EPHA7: variants seen among roughly 807,000 people sequenced by gnomAD.
The protein encoded by EPHA7 is ephrin type-A receptor 7.
Under a neutral mutation model 112.6 loss-of-function variants are expected in EPHA7, and 25 were observed. That is an observed-to-expected ratio of 0.22 (90% CI 0.16 to 0.31). The LOEUF is 0.31. Among genes scored for constraint, EPHA7 ranks in the 10% least tolerant of loss-of-function variants. EPHA7 has a pLI of 1.00. For missense variants in EPHA7, 962 were observed against 1,212.6 expected, an observed-to-expected ratio of 0.79 and a Z score of 3.07; for synonymous variants, 437 against 406.5, an observed-to-expected ratio of 1.07 and a Z score of -0.90.
chr6:93,320,911 A>G lies in EPHA7; in HGVS notation c.1324+35806T>C, dbSNP rs1319552780. ...TCAAAAATAATTTTGATTCATTGAAATATAATTTCACTTATAAAATGTTAT... is the reference window on the plus strand; with the variant it reads ...TCAAAAATAATTTTGATTCATTGAAGTATAATTTCACTTATAAAATGTTAT... On this transcript the variant is annotated intron_variant, in intron 5 of 16. Transcript: ENST00000369303. Among the ~76,000 whole-genome samples, 3 of 151,936 alleles carry G rather than the reference A, an allele frequency of 2.0e-5. No individual in the cohort carries two copies. In the East Asian group the frequency reaches 5.8e-4, roughly 29 times the overall value.
intron 3 of EPHA7, among the ~76,000 whole-genome samples, chr6:93,368,634 C>T (rs907684827): frequency 3.3e-5 from 5 of 151,994 alleles, no homozygotes; most frequent in African/African-American, 1.2e-4. Flanking sequence ...ATTTGTGGTG[C>T]AAGCCTTGAA....
At position 93,246,835 on chromosome 6, in the gene EPHA7, G is replaced by A. The variant is rs1035177735; in HGVS notation, c.2683C>T (p.Arg895Ter). Reference protein sequence around the residue: ...QIVGILDKMIRNPNSLKTPLG... With the variant: ...QIVGILDKMI ...GGAGTTTTCAGACTATTTGGGTTTC[G>A]AATCATTTTGTCTAGAATTCCAACT... is the stretch of plus-strand genomic sequence containing the variant. The change falls in exon 15 of 17, where the codon CGA (arginine) becomes TGA (stop). Residue 895 changes from arginine to a stop codon, truncating the protein, a stop_gained. Transcript: ENST00000369303. LOFTEE classifies it high-confidence loss of function. 5.0e-6 allele frequency: 8 copies of A among 1,612,182 alleles called. No homozygotes were observed. Among genetic ancestry groups the A allele is most frequent in the Non-Finnish European group, 1.7e-6 (2 of 1,178,514 alleles).
chr6:93,258,998 C>T (rs1191048267), intron 10 of EPHA7, among the ~76,000 whole-genome samples: 1 of 151,722 alleles, frequency 6.6e-6, no homozygotes, highest in Non-Finnish European at 1.5e-5. Flanking sequence ...TGTAAGAAGA[C>T]AGTAAATCAA....
rs1778964931 is a variant in EPHA7, at chr6:93,411,261, G to A, written c.163-91C>T. ...AAGTACTTCACAAATACAGATCTTC[G>A]AAAAAGTTAGGTTGATTCCTATGCT... On this transcript the variant is annotated intron_variant, in intron 2 of 16. Transcript: ENST00000369303. 2.0e-5 allele frequency: 21 copies of A among 1,046,082 alleles called. 1 individual carries two copies. The South Asian group carries it at 2.2e-4, about 11-fold the overall frequency. The allele number at this position is 1,046,082 out of a possible 1,614,324, so 64.8% of individuals were successfully genotyped here.
chr6:93,413,579 G>A (rs1197818484), intron 2 of EPHA7, among the ~76,000 whole-genome samples: 2 of 151,806 alleles, frequency 1.3e-5, no homozygotes, highest in African/African-American at 4.8e-5. Context: ...CAAGAAAGGT[G>A]TTATATTCAT....
At chr6:93,257,754 A>T (rs1384552417) in intron 11 of EPHA7, among the ~76,000 whole-genome samples, 1 of 151,964 alleles carries the variant, frequency 6.6e-6, no homozygotes, top group Non-Finnish European at 1.5e-5. Flanking sequence ...TGTTCTTCTG[A>T]CTCCTGCTTT....
intron 3 of EPHA7, among the ~76,000 whole-genome samples, chr6:93,374,586 C>T (rs1582621584): frequency 6.6e-6 from 1 of 152,036 alleles, no homozygotes; most frequent in African/African-American, 2.4e-5. Context: ...ATTTTATTTG[C>T]CAAAATAGAA....
intron 7 of EPHA7, among the ~76,000 whole-genome samples, chr6:93,269,190 C>G (rs1256217661): frequency 2.0e-5 from 3 of 151,714 alleles, no homozygotes; most frequent in Non-Finnish European, 4.4e-5. Context: ...TGTGTCAATA[C>G]ACAAATTGAA....
In EPHA7 at chr6:93,395,999, C is replaced by T. The variant is rs539016476; in HGVS notation, c.832+14502G>A. On this transcript the variant is annotated intron_variant, in intron 3 of 16. Coordinates refer to ENST00000369303, the MANE Select transcript of EPHA7 (RefSeq NM_004440.4). ...AAATACAAGAGCATGCCCTTTTTGG[C>T]TAGCTAAACCTTGGCACAGATGTCT... Among the ~76,000 whole-genome samples the T allele has an allele frequency of 2.0e-5, 3 of 151,974 alleles. No homozygotes were observed. In the Admixed American group the frequency reaches 2.0e-4, roughly 10 times the overall value.
intron 5 of EPHA7, among the ~76,000 whole-genome samples, chr6:93,292,329 C>T (rs1284549867): frequency 1.3e-5 from 2 of 152,154 alleles, no homozygotes; most frequent in African/African-American, 4.8e-5. Context: ...AAAGTATTCA[C>T]ATCTCTACTT....
At chr6:93,301,531 A>G (rs1772976431) in intron 5 of EPHA7, among the ~76,000 whole-genome samples, 1 of 152,200 alleles carries the variant, frequency 6.6e-6, no homozygotes, top group Non-Finnish European at 1.5e-5. Flanking sequence ...AAATGTTTAT[A>G]TAATAAATTT....
chr6:93,316,855 C>A (rs937562458), intron 5 of EPHA7, among the ~76,000 whole-genome samples: 1 of 152,040 alleles, frequency 6.6e-6, no homozygotes, highest in African/African-American at 2.4e-5. Context: ...TCTAACTATA[C>A]AAGTGAGATA....
intron 5 of EPHA7, among the ~76,000 whole-genome samples, chr6:93,283,000 C>T (rs780097251): frequency 4.6e-5 from 7 of 152,210 alleles, no homozygotes; most frequent in Non-Finnish European, 7.3e-5. Flanking sequence ...AGGAGCAGGG[C>T]GCGGGACTGG....
intron 5 of EPHA7, among the ~76,000 whole-genome samples, chr6:93,345,827 C>A (rs1327113733): frequency 6.6e-6 from 1 of 151,674 alleles, no homozygotes; most frequent in Non-Finnish European, 1.5e-5. Flanking sequence ...CTCTAATTTA[C>A]TGCATTGGTA....
chr6:93,245,098 T>C (rs1769886509), intron 16 of EPHA7, among the ~76,000 whole-genome samples, 200 bp downstream of exon 16: 2 of 152,222 alleles, frequency 1.3e-5, no homozygotes, highest in African/African-American at 4.8e-5. Context: ...CAATTATTGT[T>C]GTGAAGGTTA....
chr6:93,406,150 C>T (rs1031943882), intron 3 of EPHA7, among the ~76,000 whole-genome samples: 1 of 150,924 alleles, frequency 6.6e-6, no homozygotes, highest in African/African-American at 2.4e-5. Context: ...TACTTGAATT[C>T]CCCTTTACAT....
chr6:93,308,631 T>C (rs1366851006), intron 5 of EPHA7, among the ~76,000 whole-genome samples: 1 of 152,188 alleles, frequency 6.6e-6, no homozygotes, highest in East Asian at 1.9e-4. Context: ...GTTTGAATTA[T>C]TTATAAATAA....
At chr6:93,341,771 G>A (rs1775149601) in intron 5 of EPHA7, among the ~76,000 whole-genome samples, 1 of 151,756 alleles carries the variant, frequency 6.6e-6, no homozygotes, top group Non-Finnish European at 1.5e-5. Flanking sequence ...CATACAAAAT[G>A]ACATGCAGAT....
At chr6:93,243,614 T>C (rs779776513) in intron 16 of EPHA7, 74 bp from the exon 17 acceptor site, 4 of 988,198 alleles carry the variant, frequency 4.0e-6, no homozygotes, top group Non-Finnish European at 6.5e-6. Context: ...TCATCAACTG[T>C]TTAATTAAAT....
Sources: gnomAD v4.1 joint callset for allele counts (sites outside exome capture counted in the v4.1 genomes callset) on GRCh38, gnomAD v4.1.1 for gene constraint, MANE v1.5 for transcripts, NCBI Gene and HGNC (gene_info 2026-07-23, HGNC 2026-07-21) for gene names.